The following CNTN4 variants were observed in gnomAD, a reference collection of about 807,000 sequenced individuals.
The protein encoded by CNTN4 is contactin-4.
Under a neutral mutation model 122.5 loss-of-function variants are expected in CNTN4, and 77 were observed. The ratio of observed to expected loss-of-function variants is 0.63; its 90% CI spans 0.52 to 0.76. The LOEUF is 0.76. CNTN4 is among the 30% of genes least tolerant of loss of function. The pLI is 0.00. For synonymous variants in CNTN4, 512 were observed against 447.0 expected, an observed-to-expected ratio of 1.15 and a Z score of -1.83; for missense variants, 1,256 against 1,259.1, an observed-to-expected ratio of 1.00 and a Z score of 0.04.
intron 3 of CNTN4, among the ~76,000 whole-genome samples, chr3:2,345,520 A>G (rs1392590232): frequency 6.6e-6 from 1 of 152,190 alleles, no homozygotes; most frequent in African/African-American, 2.4e-5. Context: ...GAATGGCCGG[A>G]ATATCAGGAG....
chr3:2,950,052 C>T (rs2094722121), intron 13 of CNTN4, among the ~76,000 whole-genome samples: 1 of 152,202 alleles, frequency 6.6e-6, no homozygotes. Flanking sequence ...AAGATGTTTG[C>T]ATCCAGCTTA....
At chr3:3,003,900 C>G (rs945934580) in intron 14 of CNTN4, among the ~76,000 whole-genome samples, 3 of 151,850 alleles carry the variant, frequency 2.0e-5, no homozygotes, top group African/African-American at 7.3e-5. Flanking sequence ...CAGGCGCACG[C>G]CAGCACGCCA....
chr3:2,738,746 A>G (rs1014031624), intron 5 of CNTN4, among the ~76,000 whole-genome samples: 7 of 152,166 alleles, frequency 4.6e-5, no homozygotes, highest in Non-Finnish European at 5.9e-5. Flanking sequence ...ACTGCGCAGC[A>G]TACACAAAAA....
At chr3:2,601,630 C>T (rs1369060404) in intron 4 of CNTN4, among the ~76,000 whole-genome samples, 1 of 152,134 alleles carries the variant, frequency 6.6e-6, no homozygotes, top group Non-Finnish European at 1.5e-5. Flanking sequence ...AGTTTGAAGT[C>T]AGGTAGCGTG....
intron 14 of CNTN4, among the ~76,000 whole-genome samples, chr3:2,991,744 A>G (rs1291294309): frequency 6.6e-6 from 1 of 152,188 alleles, no homozygotes; most frequent in Non-Finnish European, 1.5e-5. Context: ...AACTGTGCCA[A>G]GTCCTGAATC....
At chr3:2,353,562 G>A (rs752813217) in intron 3 of CNTN4, among the ~76,000 whole-genome samples, 1 of 152,262 alleles carries the variant, frequency 6.6e-6, no homozygotes, top group East Asian at 1.9e-4. Flanking sequence ...CCTGAGGCCA[G>A]CGAGACCACG....
intron 5 of CNTN4, among the ~76,000 whole-genome samples, chr3:2,741,255 A>T (rs978751225): frequency 2.6e-5 from 4 of 152,244 alleles, no homozygotes; most frequent in African/African-American, 9.6e-5. Context: ...CAAGTAAAGG[A>T]TGACCAAGTT....
At chr3:2,131,444 A>G (rs1212667297) in intron 2 of CNTN4, among the ~76,000 whole-genome samples, 2 of 152,150 alleles carry the variant, frequency 1.3e-5, no homozygotes, top group Non-Finnish European at 2.9e-5. Flanking sequence ...CACTTCTTTG[A>G]TAGTCTTTCT....
At chr3:2,110,649 C>A (rs573172480) in intron 2 of CNTN4, 2 of 152,158 alleles carry the variant, frequency 1.3e-5, no homozygotes, top group Non-Finnish European at 2.9e-5. Context: ...AAATAAAATA[C>A]ACAAGCTGTT....
At chr3:2,639,120 T>C (rs1171274155) in intron 4 of CNTN4, among the ~76,000 whole-genome samples, 1 of 152,088 alleles carries the variant, frequency 6.6e-6, no homozygotes, top group East Asian at 1.9e-4. Flanking sequence ...CACAACATTC[T>C]TTTTTTTCTT....
chr3:2,253,342 G>A (rs1403847253), intron 2 of CNTN4, among the ~76,000 whole-genome samples: 6 of 152,014 alleles, frequency 3.9e-5, no homozygotes, highest in African/African-American at 1.4e-4. Flanking sequence ...CTTTTTAAAC[G>A]TTTATTTTTG....
intron 13 of CNTN4, among the ~76,000 whole-genome samples, chr3:2,964,026 A>G (rs755621133): frequency 6.6e-6 from 1 of 152,228 alleles, no homozygotes; most frequent in East Asian, 1.9e-4. Flanking sequence ...TCTTTAGTAC[A>G]TTGCCTGACA....
At chr3:2,634,723 G>A (rs142182485) in intron 4 of CNTN4, among the ~76,000 whole-genome samples, 2,566 of 150,850 alleles carry the variant, frequency 0.017, 63 homozygotes, top group African/African-American at 0.059. Context: ...GGGCGTGGTG[G>A]CATGCACCTG....
At chr3:2,790,623 A>C (rs1172774655) in intron 6 of CNTN4, among the ~76,000 whole-genome samples, 13 of 152,158 alleles carry the variant, frequency 8.5e-5, no homozygotes. Context: ...TAAGTCCAGG[A>C]AAATCACTTT....
intron 2 of CNTN4, among the ~76,000 whole-genome samples, chr3:2,266,215 T>C (rs757843490): frequency 3.3e-5 from 5 of 152,068 alleles, no homozygotes; most frequent in Non-Finnish European, 7.4e-5. Context: ...ATATATGACC[T>C]TAATCACGTT....
chr3:2,359,210 G>A (rs2045008178), intron 3 of CNTN4, among the ~76,000 whole-genome samples: 1 of 152,072 alleles, frequency 6.6e-6, no homozygotes, highest in African/African-American at 2.4e-5. Context: ...CATTTAATTA[G>A]CTGGATGTGA....
chr3:2,927,644 G>A, intron 13 of CNTN4: 1 of 162,308 alleles, frequency 6.2e-6, no homozygotes, highest in East Asian at 1.8e-4. Context: ...CCAGTATCAA[G>A]AATTCTATAT....
At chr3:2,583,082 C>T (rs536152045) in intron 4 of CNTN4, among the ~76,000 whole-genome samples, 42 of 152,148 alleles carry the variant, frequency 2.8e-4, no homozygotes, top group Non-Finnish European at 5.0e-4. Context: ...TGCGTGACAT[C>T]TATACCAGAA....
intron 2 of CNTN4, among the ~76,000 whole-genome samples, chr3:2,135,629 G>C (rs2034654783): frequency 1.3e-5 from 2 of 151,606 alleles, no homozygotes; most frequent in African/African-American, 2.4e-5. Flanking sequence ...TGTGGGGGCA[G>C]AGCTTTTTGT....
Sources: allele counts gnomAD v4.1 joint callset (sites outside exome capture counted in the v4.1 genomes callset), GRCh38; gene constraint gnomAD v4.1.1; transcripts MANE v1.5; gene names NCBI Gene and HGNC (gene_info 2026-07-23, HGNC 2026-07-21).